The following PTCHD4 variants were observed in gnomAD, a reference collection of about 807,000 sequenced individuals.
The protein encoded by PTCHD4 is patched domain containing 4, also known as patched domain-containing protein 4.
In PTCHD4, 33 loss-of-function variants were observed where a neutral mutation model predicts 58.1. The observed-to-expected ratio is 0.57, with a 90% CI of 0.43 to 0.76. The LOEUF (loss-of-function observed/expected upper bound fraction) is 0.76, where lower values mean the gene tolerates loss of function less well. PTCHD4 is among the 30% of genes least tolerant of loss of function. PTCHD4 has a pLI of 0.00. For missense variants in PTCHD4, 1,058 were observed against 1,027.1 expected, an observed-to-expected ratio of 1.03 and a Z score of -0.41; for synonymous variants, 478 against 409.6, an observed-to-expected ratio of 1.17 and a Z score of -2.02.
chr6:48,070,483 A>T (rs1764957437), intron 1 of PTCHD4, among the ~76,000 whole-genome samples: 1 of 152,224 alleles, frequency 6.6e-6, no homozygotes, highest in Non-Finnish European at 1.5e-5. Context: ...CTTAAGGAAA[A>T]GTGTCTAGAA....
At chr6:48,060,056 T>G (rs1266029224) in intron 3 of PTCHD4, among the ~76,000 whole-genome samples, 1 of 152,220 alleles carries the variant, frequency 6.6e-6, no homozygotes, top group African/African-American at 2.4e-5. Flanking sequence ...TGTGCTTTCT[T>G]TAACAAGACT....
intron 4 of PTCHD4, among the ~76,000 whole-genome samples, chr6:47,891,168 G>A (rs1257546781): frequency 6.7e-6 from 1 of 149,098 alleles, no homozygotes; most frequent in Non-Finnish European, 1.5e-5. Context: ...GTTGCAGTGA[G>A]CTGAAACCAT....
At chr6:48,090,901 C>T (rs1213863447) in intron 1 of PTCHD4, among the ~76,000 whole-genome samples, 1 of 152,166 alleles carries the variant, frequency 6.6e-6, no homozygotes, top group Non-Finnish European at 1.5e-5. Context: ...TAAATAGAGT[C>T]CATTTTTTTA....
chr6:47,899,408 T>G (rs907242920), intron 4 of PTCHD4, among the ~76,000 whole-genome samples: 4 of 152,222 alleles, frequency 2.6e-5, no homozygotes, highest in African/African-American at 9.6e-5. Context: ...GAGATGGCTG[T>G]GGGAACAGTA....
chr6:47,933,588 T>C (rs756861233), intron 4 of PTCHD4, among the ~76,000 whole-genome samples: 36 of 152,230 alleles, frequency 2.4e-4, no homozygotes, highest in Admixed American at 1.0e-3. Context: ...GATTCAAATA[T>C]ACTTCTCAAA....
intron 4 of PTCHD4, among the ~76,000 whole-genome samples, chr6:47,976,695 T>TAAATAAATAAAA (rs1457684011): frequency 6.7e-6 from 1 of 148,280 alleles, no homozygotes; most frequent in Non-Finnish European, 1.5e-5. Flanking sequence ...AATAAATAAA[T>TAAATAAATAAAA]AAAAATATAA....
intron 4 of PTCHD4, among the ~76,000 whole-genome samples, chr6:47,923,485 G>C (rs926659297): frequency 2.0e-5 from 3 of 152,106 alleles, no homozygotes; most frequent in African/African-American, 4.8e-5. Context: ...TGCACAGATC[G>C]ATGTTGCTTA....
chr6:48,013,511 T>C (rs988691463), intron 3 of PTCHD4, among the ~76,000 whole-genome samples: 1 of 151,880 alleles, frequency 6.6e-6, no homozygotes, highest in Non-Finnish European at 1.5e-5. Context: ...TCATGGGATA[T>C]TACCATGAGC....
chr6:48,087,969 G>A (rs1765293429), intron 1 of PTCHD4, among the ~76,000 whole-genome samples: 1 of 152,094 alleles, frequency 6.6e-6, no homozygotes, highest in Non-Finnish European at 1.5e-5. Flanking sequence ...TTATCAGTAA[G>A]AATATTAATG....
chr6:47,891,680 C>T (rs1354192997), intron 4 of PTCHD4, among the ~76,000 whole-genome samples: 1 of 152,170 alleles, frequency 6.6e-6, no homozygotes, highest in Non-Finnish European at 1.5e-5. Flanking sequence ...TCTTCCAAAT[C>T]ATCTAACATT....
intron 1 of PTCHD4, among the ~76,000 whole-genome samples, chr6:48,100,961 G>A (rs1765591406): frequency 6.6e-6 from 1 of 151,588 alleles, no homozygotes; most frequent in Admixed American, 6.6e-5. Context: ...AAAATAATAA[G>A]CAATTTAAAA....
intron 4 of PTCHD4, among the ~76,000 whole-genome samples, chr6:47,907,283 G>A (rs1343864163): frequency 6.6e-6 from 1 of 152,066 alleles, no homozygotes; most frequent in African/African-American, 2.4e-5. Context: ...ATTAGTCCAG[G>A]GTCCCAGAAG....
chr6:48,047,621 C>T (rs1406829173), intron 3 of PTCHD4, among the ~76,000 whole-genome samples: 1 of 151,780 alleles, frequency 6.6e-6, no homozygotes, highest in African/African-American at 2.4e-5. Flanking sequence ...TCCTAATCCC[C>T]AATGTGATGC....
intron 3 of PTCHD4, among the ~76,000 whole-genome samples, chr6:48,044,332 A>C (rs1292878066): frequency 1.3e-5 from 2 of 152,028 alleles, no homozygotes; most frequent in Admixed American, 6.6e-5. Flanking sequence ...GAGTGCAAGT[A>C]TGTAATAGAA....
chr6:48,046,335 T>G (rs975542095), intron 3 of PTCHD4, among the ~76,000 whole-genome samples: 15 of 151,808 alleles, frequency 9.9e-5, no homozygotes, highest in African/African-American at 3.4e-4. Flanking sequence ...TGCAAGTAGC[T>G]TTTGGGGGAA....
chr6:47,895,688 T>C (rs923893878), intron 4 of PTCHD4, among the ~76,000 whole-genome samples: 1 of 152,138 alleles, frequency 6.6e-6, no homozygotes, highest in African/African-American at 2.4e-5. Flanking sequence ...GTTGCACAGA[T>C]ATTTTCTAGA....
At chr6:48,009,928 T>A (rs1418416654) in intron 3 of PTCHD4, among the ~76,000 whole-genome samples, 1 of 152,222 alleles carries the variant, frequency 6.6e-6, no homozygotes, top group Non-Finnish European at 1.5e-5. Flanking sequence ...AGGAAATTGG[T>A]AAGAGAAGCA....
intron 3 of PTCHD4, among the ~76,000 whole-genome samples, chr6:48,012,621 G>A (rs1000138437): frequency 3.3e-5 from 5 of 152,186 alleles, no homozygotes; most frequent in Admixed American, 2.6e-4. Flanking sequence ...TTGAATAGGA[G>A]TGGTGAAAGA....
chr6:47,915,571 A>ATTTTTT (rs35234678), intron 4 of PTCHD4, among the ~76,000 whole-genome samples: 3 of 144,642 alleles, frequency 2.1e-5, no homozygotes, highest in African/African-American at 7.6e-5. Context: ...TAGAAGACAG[A>ATTTTTT]TTTTTTTTTT....
Sources: gnomAD v4.1 joint callset for allele counts (sites outside exome capture counted in the v4.1 genomes callset) on GRCh38, gnomAD v4.1.1 for gene constraint, MANE v1.5 for transcripts, NCBI Gene and HGNC (gene_info 2026-07-23, HGNC 2026-07-21) for gene names.